Variants in UNC13C observed in about 807,000 individuals in gnomAD.
UNC13C encodes the protein protein unc-13 homolog C.
UNC13C carries 174 observed loss-of-function variants against 245.4 expected under a neutral mutation model. The ratio of observed to expected loss-of-function variants is 0.71; its 90% confidence interval spans 0.63 to 0.80. UNC13C has a LOEUF of 0.80. UNC13C is among the 30% of genes least tolerant of loss of function. The pLI is 0.00. For missense variants in UNC13C, 2,829 were observed against 2,602.9 expected, an observed-to-expected ratio of 1.09 and a Z score of -1.89; for synonymous variants, 992 against 895.1, an observed-to-expected ratio of 1.11 and a Z score of -1.93.
At chr15:54,011,800 T>C (rs1895391567) in intron 1 of UNC13C, among the ~76,000 whole-genome samples, 1 of 152,288 alleles carries the variant, frequency 6.6e-6, no homozygotes, top group African/African-American at 2.4e-5. Context: ...GGCCAGAACA[T>C]GTATCCCCAA....
intron 4 of UNC13C, among the ~76,000 whole-genome samples, chr15:54,212,709 C>T (rs2034920777): frequency 6.6e-6 from 1 of 151,950 alleles, no homozygotes; most frequent in African/African-American, 2.4e-5. Flanking sequence ...AAAGTGCTTC[C>T]AGAATACAGT....
chr15:54,388,186 C>T (rs954388064), intron 17 of UNC13C, among the ~76,000 whole-genome samples: 2 of 152,016 alleles, frequency 1.3e-5, no homozygotes, highest in African/African-American at 2.4e-5. Flanking sequence ...CTTCACCTTC[C>T]CTTCCTTTTT....
chr15:54,503,504 C>T (rs768526834), intron 22 of UNC13C, among the ~76,000 whole-genome samples: 46 of 150,550 alleles, frequency 3.1e-4, no homozygotes, highest in Non-Finnish European at 5.3e-4. Context: ...AATCTCCGCT[C>T]ACTGCAACCT....
intron 2 of UNC13C, among the ~76,000 whole-genome samples, chr15:54,059,773 AG>A (rs1897720791): frequency 6.6e-6 from 1 of 152,220 alleles, no homozygotes; most frequent in Non-Finnish European, 1.5e-5. Flanking sequence ...ATAGAGATAT[AG>A]ACCAATGGAA....
chr15:54,560,396 A>C (rs1271049825), intron 29 of UNC13C, among the ~76,000 whole-genome samples: 1 of 151,972 alleles, frequency 6.6e-6, no homozygotes, highest in African/African-American at 2.4e-5. Context: ...CTTGCCAAGC[A>C]TGCAGGCAAT....
the UNC13C span, among the ~76,000 whole-genome samples, chr15:53,865,281 C>T: frequency 2.0e-5 from 3 of 152,128 alleles, no homozygotes; most frequent in African/African-American, 4.8e-5. Flanking sequence ...TTAGTCCACT[C>T]GGGCTGACAG....
At chr15:53,912,034 AG>A in the UNC13C span, 2 of 152,238 alleles carry the variant, frequency 1.3e-5, no homozygotes, top group East Asian at 3.9e-4. Context: ...ACCCTTCACA[AG>A]TAACCATCCA....
chr15:54,191,209 C>G, intron 4 of UNC13C, among the ~76,000 whole-genome samples: 1 of 152,120 alleles, frequency 6.6e-6, no homozygotes. Context: ...TAGCCCCCCA[C>G]CCCATGATAG....
chr15:54,257,482 A>G (rs1012034578), intron 8 of UNC13C, among the ~76,000 whole-genome samples: 10 of 152,292 alleles, frequency 6.6e-5, no homozygotes, highest in African/African-American at 2.2e-4. Flanking sequence ...ATGATTGAAT[A>G]TGGTGGGGAT....
chr15:54,296,816 CTG>C (rs1340222100), intron 11 of UNC13C, among the ~76,000 whole-genome samples: 1 of 152,180 alleles, frequency 6.6e-6, no homozygotes, highest in African/African-American at 2.4e-5. Context: ...CAGATTGCCT[CTG>C]TGTTTTGTAT....
At chr15:54,553,058 C>T (rs1896909195) in intron 28 of UNC13C, among the ~76,000 whole-genome samples, 3 of 30,628 alleles carry the variant, frequency 9.8e-5, no homozygotes, top group Admixed American at 4.9e-4. Flanking sequence ...TTCTATATTA[C>T]AATATATAAT....
the UNC13C span, among the ~76,000 whole-genome samples, chr15:53,891,973 T>C: frequency 6.6e-6 from 1 of 152,240 alleles, no homozygotes; most frequent in Non-Finnish European, 1.5e-5. Flanking sequence ...CTTTACAATT[T>C]GGTATGTTTT....
the UNC13C span, among the ~76,000 whole-genome samples, chr15:53,940,022 G>A: frequency 6.6e-6 from 1 of 152,118 alleles, no homozygotes; most frequent in Non-Finnish European, 1.5e-5. Context: ...ACTTAGAGGA[G>A]GGAGTAGGTA....
intron 4 of UNC13C, among the ~76,000 whole-genome samples, chr15:54,217,473 C>T (rs1567106967): frequency 6.6e-6 from 1 of 151,940 alleles, no homozygotes; most frequent in Non-Finnish European, 1.5e-5. Flanking sequence ...ACTCTCTATG[C>T]AGATAGGTAC....
At chr15:54,055,824 A>G (rs933975562) in intron 2 of UNC13C, among the ~76,000 whole-genome samples, 5 of 152,182 alleles carry the variant, frequency 3.3e-5, no homozygotes, top group African/African-American at 9.7e-5. Context: ...CATGAAACTA[A>G]AATATATGTT....
At chr15:54,238,465 A>G (rs2035766604) in intron 7 of UNC13C, among the ~76,000 whole-genome samples, 2 of 152,150 alleles carry the variant, frequency 1.3e-5, no homozygotes, top group Admixed American at 6.5e-5. Context: ...CTTAACTAGA[A>G]TTATTATATC....
intron 10 of UNC13C, among the ~76,000 whole-genome samples, chr15:54,272,205 G>C (rs2036704784): frequency 6.6e-6 from 1 of 152,132 alleles, no homozygotes; most frequent in Non-Finnish European, 1.5e-5. Context: ...ACCTTTTGAA[G>C]TATATGGCAG....
intron 4 of UNC13C, among the ~76,000 whole-genome samples, chr15:54,170,055 G>A (rs2033336025): frequency 1.4e-5 from 2 of 144,432 alleles, no homozygotes; most frequent in African/African-American, 5.2e-5. Context: ...GTATATAAGA[G>A]AAAGAGAAAT....
chr15:53,977,726 T>A (rs185660059), upstream of UNC13C, among the ~76,000 whole-genome samples: 1 of 152,300 alleles, frequency 6.6e-6, no homozygotes. Flanking sequence ...AAGTGGGAAC[T>A]GTTACTCCCC....
Sources: allele counts gnomAD v4.1 joint callset (sites outside exome capture counted in the v4.1 genomes callset), GRCh38; gene constraint gnomAD v4.1.1; transcripts MANE v1.5; gene names NCBI Gene and HGNC (gene_info 2026-07-23, HGNC 2026-07-21).